USP6NL: variants seen among roughly 807,000 people sequenced by gnomAD.
The protein encoded by USP6NL is USP6 N-terminal-like protein.
Under a neutral mutation model 61.9 loss-of-function variants are expected in USP6NL, and 26 were observed. The ratio of observed to expected loss-of-function variants is 0.42; its 90% CI spans 0.31 to 0.58. USP6NL has a LOEUF of 0.58. USP6NL is among the 20% of genes least tolerant of loss of function. The pLI is 0.16. For missense variants in USP6NL, 1,114 were observed against 1,034.3 expected, an observed-to-expected ratio of 1.08 and a Z score of -1.06; for synonymous variants, 432 against 390.1, an observed-to-expected ratio of 1.11 and a Z score of -1.27.
intron 8 of USP6NL, 125 bp downstream of exon 8, chr10:11,492,994 T>C: frequency 4.1e-6 from 3 of 734,918 alleles, no homozygotes; most frequent in Non-Finnish European, 6.4e-6. Flanking sequence ...ACGCAAATGA[T>C]CTGCAAAAGC....
At chr10:11,593,895 G>A (rs972656016) in intron 2 of USP6NL, among the ~76,000 whole-genome samples, 6 of 152,144 alleles carry the variant, frequency 3.9e-5, no homozygotes, top group East Asian at 1.9e-4. Flanking sequence ...ATGTTCTAGC[G>A]TTTGATAACA....
At position 11,587,975 on chromosome 10, in the gene USP6NL, G is replaced by T. The variant is rs1354172370; in HGVS notation, c.4+9656C>A. Among the ~76,000 whole-genome samples the T allele has an allele frequency of 6.6e-6, 1 of 152,186 alleles. No individual in the cohort carries two copies. Among genetic ancestry groups the T allele is most frequent in the African/African-American group, 2.4e-5 (1 of 41,448 alleles). The stretch of plus-strand genomic sequence containing the variant: ...AATTTTCTACTAAACAGCTAAACGT[G>T]AAGGAAATCTAGAGATCACCAGGCA... On this transcript the variant is annotated intron_variant, in intron 2 of 14. Coordinates refer to ENST00000609104, the MANE Select transcript of USP6NL (RefSeq NM_014688.5). This position sits in a 1 kb window ranked among gnomAD's most constrained non-coding sequence, Gnocchi z 4.5.
At chr10:11,557,779 G>C (rs1836772070) in intron 2 of USP6NL, among the ~76,000 whole-genome samples, 1 of 152,132 alleles carries the variant, frequency 6.6e-6, no homozygotes, top group African/African-American at 2.4e-5. Flanking sequence ...TACACGGGCG[G>C]GCTCATCTGT....
At position 11,499,214 on chromosome 10, in the gene USP6NL, T is replaced by C. The variant is rs1413649483; in HGVS notation, c.384+1887A>G. 6.6e-6 allele frequency among the ~76,000 whole-genome samples: 1 copy of C among 152,076 alleles called. No individual in the cohort carries two copies. The highest frequency in any genetic ancestry group is 1.5e-5 in the Non-Finnish European group (1 of 68,018). ...GAGTGGATGAGAAAGGAAAAAAAAG[T>C]TGGCTAAATAATGATGCTGGGGGAA... On this transcript the variant is annotated intron_variant, in intron 7 of 14. Coordinates refer to ENST00000609104, the MANE Select transcript of USP6NL (RefSeq NM_014688.5). This position sits in a 1 kb window ranked among gnomAD's most constrained non-coding sequence, Gnocchi z 4.5.
intron 1 of USP6NL, among the ~76,000 whole-genome samples, chr10:11,609,527 C>A (rs180848111): frequency 1.3e-5 from 2 of 152,236 alleles, no homozygotes; most frequent in African/African-American, 2.4e-5. Flanking sequence ...CTCGTTCTCG[C>A]TACCTCAAGT....
At chr10:11,555,959 G>A (rs1311578808) in intron 2 of USP6NL, among the ~76,000 whole-genome samples, 2 of 152,168 alleles carry the variant, frequency 1.3e-5, no homozygotes, top group Non-Finnish European at 2.9e-5. Context: ...GATAATGCCT[G>A]AGATATTTAA....
intron 14 of USP6NL, among the ~76,000 whole-genome samples, chr10:11,472,840 A>G (rs1832813915): frequency 6.6e-6 from 1 of 152,214 alleles, no homozygotes; most frequent in Admixed American, 6.5e-5. Flanking sequence ...AGCAGATTAA[A>G]CTTGAAAGTT....
At chr10:11,570,777 A>C (rs1188829540) in intron 2 of USP6NL, among the ~76,000 whole-genome samples, 2 of 152,148 alleles carry the variant, frequency 1.3e-5, no homozygotes, top group African/African-American at 4.8e-5. Flanking sequence ...ATGGTGTCTC[A>C]CCTTGCCAAT....
At chr10:11,543,871 G>A (rs1238490606) in intron 2 of USP6NL, among the ~76,000 whole-genome samples, 18 of 141,100 alleles carry the variant, frequency 1.3e-4, no homozygotes. Context: ...GAGTGCAGTG[G>A]CGCAGTCTCG....
chr10:11,552,617 A>C (rs1277886874), intron 2 of USP6NL, among the ~76,000 whole-genome samples: 1 of 152,218 alleles, frequency 6.6e-6, no homozygotes, highest in Non-Finnish European at 1.5e-5. Context: ...AAGATCAAGG[A>C]AACTCTTTTA....
chr10:11,515,681 G>A (rs1834923964), intron 5 of USP6NL, among the ~76,000 whole-genome samples: 1 of 152,240 alleles, frequency 6.6e-6, no homozygotes. Context: ...GCTGTGTCAA[G>A]TATGAGAGGA....
At chr10:11,536,396 C>T (rs539067767) in intron 2 of USP6NL, among the ~76,000 whole-genome samples, 1 of 152,160 alleles carries the variant, frequency 6.6e-6, no homozygotes, top group Non-Finnish European at 1.5e-5. Flanking sequence ...TCCTCCCATG[C>T]CTGGGGAAAA....
rs1176486644 is a variant in USP6NL at position 11,537,889 on chromosome 10, T to C, written c.5-10322A>G. ...CTCAGCCTCCCTTCAAGGAGTCCCC[T>C]TGATTCTCCATGGCTTGCCCCTGAT... On this transcript the variant is annotated intron_variant, in intron 2 of 14. Coordinates refer to ENST00000609104, the MANE Select transcript of USP6NL (RefSeq NM_014688.5). The surrounding 1 kb of genome is among the most constrained non-coding windows in gnomAD (Gnocchi z 5.1). Among the ~76,000 whole-genome samples the C allele has an allele frequency of 6.6e-6, 1 of 152,216 alleles. No individual in the cohort carries two copies. The highest frequency in any genetic ancestry group is 1.5e-5 in the Non-Finnish European group (1 of 68,018).
At chr10:11,500,305 G>A (rs1216921441) in intron 7 of USP6NL, among the ~76,000 whole-genome samples, 5 of 151,722 alleles carry the variant, frequency 3.3e-5, no homozygotes, top group African/African-American at 2.4e-5. Context: ...AAATCTGCAC[G>A]TCCTGCACAT....
chr10:11,534,651 A>G (rs1222035294), intron 2 of USP6NL, among the ~76,000 whole-genome samples: 1 of 152,224 alleles, frequency 6.6e-6, no homozygotes, highest in African/African-American at 2.4e-5. Flanking sequence ...TCAGTCTGAC[A>G]TGACGTAAAA....
chr10:11,486,874 A>C (rs1232920009), intron 10 of USP6NL, among the ~76,000 whole-genome samples: 4 of 152,148 alleles, frequency 2.6e-5, no homozygotes, highest in Non-Finnish European at 5.9e-5. Flanking sequence ...CCCAAAATGA[A>C]ACTCTATTCC....
At chr10:11,571,882 T>G (rs1292530493) in intron 2 of USP6NL, among the ~76,000 whole-genome samples, 2 of 149,674 alleles carry the variant, frequency 1.3e-5, no homozygotes, top group Non-Finnish European at 3.0e-5. Flanking sequence ...AAAAAAAAAC[T>G]GTCTGAAAAA....
chr10:11,536,363 G>A (rs1400715320), intron 2 of USP6NL, among the ~76,000 whole-genome samples: 1 of 152,172 alleles, frequency 6.6e-6, no homozygotes, highest in Non-Finnish European at 1.5e-5. Context: ...AGAGAGATGT[G>A]CATATGGGAC....
At chr10:11,564,505 C>T (rs943482632) in intron 2 of USP6NL, 2 of 152,140 alleles carry the variant, frequency 1.3e-5, no homozygotes, top group Non-Finnish European at 2.9e-5. Context: ...AGCTCATGAA[C>T]CACCGAATTC....
Sources: allele counts gnomAD v4.1 joint callset (sites outside exome capture counted in the v4.1 genomes callset), GRCh38; gene constraint gnomAD v4.1.1; non-coding constraint Gnocchi (gnomAD v3.1); transcripts MANE v1.5; gene names NCBI Gene and HGNC (gene_info 2026-07-23, HGNC 2026-07-21).